Variants in KCNQ1 observed in about 807,000 individuals in gnomAD.
KCNQ1 encodes potassium voltage-gated channel subfamily KQT member 1.
A neutral mutation model predicts 72.4 loss-of-function variants in KCNQ1; 49 were observed. That is an observed-to-expected ratio of 0.68 (90% CI 0.54 to 0.86). KCNQ1 has a LOEUF of 0.86. Among genes scored for constraint, KCNQ1 ranks in the 40% least tolerant of loss-of-function variants. The probability of loss-of-function intolerance (pLI) is 0.00; values close to 1 mark genes in which losing one functional copy is unlikely to be tolerated. For missense variants in KCNQ1, 790 were observed against 945.1 expected, an observed-to-expected ratio of 0.84 and a Z score of 2.15; for synonymous variants, 450 against 412.6, an observed-to-expected ratio of 1.09 and a Z score of -1.10.
Position 2,735,040 on chromosome 11 carries a change from G to A in KCNQ1, c.1515-33804G>A, listed in dbSNP as rs1284716509. 6.6e-6 allele frequency among the ~76,000 whole-genome samples: 1 copy of A among 152,148 alleles called. No homozygotes were observed. Among genetic ancestry groups the A allele is most frequent in the African/African-American group, 2.4e-5 (1 of 41,428 alleles). ...GCCTCGGAGGGCACACTAACAAGAG[G>A]CACATGTGCCAGGGAAGCCCTGCCT... On this transcript the variant is annotated intron_variant, in intron 11 of 15. Coordinates refer to ENST00000155840, the MANE Select transcript of KCNQ1 (RefSeq NM_000218.3). This position sits in a 1 kb window ranked among gnomAD's most constrained non-coding sequence, Gnocchi z 7.7.
intron 11 of KCNQ1, chr11:2,688,996 T>C (rs1850544464): frequency 5.0e-6 from 2 of 398,720 alleles, no homozygotes; most frequent in Non-Finnish European, 8.8e-6. Context: ...CAGGGGAGCC[T>C]GCAGGTCCCT....
Position 2,464,185 on chromosome 11 carries a change from C to T in KCNQ1, c.386+18701C>T, listed in dbSNP as rs900974599. On this transcript the variant is annotated intron_variant, in intron 1 of 15. Transcript: ENST00000155840. The surrounding 1 kb of genome is among the most constrained non-coding windows in gnomAD (Gnocchi z 5.0). ...CAAGCTGTACGCAGTGGGCCGCAGGCGCTCCCTGGGCCGGAACACATGGAC... is the reference window on the plus strand; with the variant it reads ...CAAGCTGTACGCAGTGGGCCGCAGGTGCTCCCTGGGCCGGAACACATGGAC... Among the ~76,000 whole-genome samples the T allele has an allele frequency of 2.6e-5, 4 of 152,114 alleles. No homozygotes were observed. Among genetic ancestry groups the T allele is most frequent in the African/African-American group, 7.2e-5 (3 of 41,414 alleles).
chr11:2,589,772 G>T (rs1443662491), intron 10 of KCNQ1, among the ~76,000 whole-genome samples: 6 of 152,194 alleles, frequency 3.9e-5, no homozygotes, highest in African/African-American at 1.4e-4. Flanking sequence ...TGATGCCAGG[G>T]CATCAGCGCT....
intron 11 of KCNQ1, among the ~76,000 whole-genome samples, chr11:2,743,967 C>T (rs1056252834): frequency 3.9e-5 from 6 of 152,182 alleles, no homozygotes; most frequent in Admixed American, 1.3e-4. Context: ...TGCTCCTGCC[C>T]GTTCTGGCCT....
In KCNQ1 at chr11:2,481,978, T is replaced by C. The variant is rs191392679; in HGVS notation, c.386+36494T>C. The stretch of plus-strand genomic sequence containing the variant: ...TGGTCTGTGGAAAAACTGTTTTCCA[T>C]GAAACCAGTCACTGGTCCCAAAAAG... On this transcript the variant is annotated intron_variant, in intron 1 of 15. Transcript: ENST00000155840. The surrounding 1 kb of genome is among the most constrained non-coding windows in gnomAD (Gnocchi z 4.6). Among the ~76,000 whole-genome samples the C allele has an allele frequency of 6.6e-6, 1 of 152,352 alleles. No homozygotes were observed. Among genetic ancestry groups the C allele is most frequent in the East Asian group, 1.9e-4 (1 of 5,188 alleles).
At position 2,633,201 on chromosome 11, in the gene KCNQ1, T is replaced by C. The variant is rs551812805; in HGVS notation, c.1394-28760T>C. The C allele has an allele frequency of 3.0e-5, 12 of 398,562 alleles. No homozygotes were observed. The South Asian group carries it at 1.5e-3, about 51-fold the overall frequency. 24.7% of individuals were successfully genotyped at this position (398,562 alleles called of 1,614,324 possible). A position where few individuals can be genotyped will look rare whatever the true frequency, so the allele number is the denominator to read the frequency against. On this transcript the variant is annotated intron_variant, in intron 10 of 15. Coordinates refer to ENST00000155840, the MANE Select transcript of KCNQ1 (RefSeq NM_000218.3). ...TTTTTTCACATACCTGTTGGCCAGTTGTTCTATTTTGCACATTTCTAAATC... is the reference window on the plus strand; with the variant it reads ...TTTTTTCACATACCTGTTGGCCAGTCGTTCTATTTTGCACATTTCTAAATC...
chr11:2,787,993 C>T lies in KCNQ1; in HGVS notation c.1794+9956C>T, dbSNP rs539669848. Among the ~76,000 whole-genome samples the T allele has an allele frequency of 3.3e-4, 50 of 152,288 alleles. No homozygotes were observed. The highest frequency in any genetic ancestry group is 1.1e-3 in the African/African-American group (44 of 41,558). The stretch of plus-strand genomic sequence containing the variant: ...TGCTTTGGACGGGCATGGCCGTGCG[C>T]GCGTGTGGGGAGGTGAGTGTGGCTC... On this transcript the variant is annotated intron_variant, in intron 15 of 15. Coordinates refer to ENST00000155840, the MANE Select transcript of KCNQ1 (RefSeq NM_000218.3). The surrounding 1 kb of genome is among the most constrained non-coding windows in gnomAD (Gnocchi z 6.3).
chr11:2,686,662 C>A, intron 11 of KCNQ1: 1 of 398,584 alleles, frequency 2.5e-6, no homozygotes, highest in East Asian at 3.6e-5. Context: ...GCCGCTGGAT[C>A]AAGTGTGGGT....
At chr11:2,810,857 G>A (rs1847470670) in intron 15 of KCNQ1, among the ~76,000 whole-genome samples, 1 of 152,156 alleles carries the variant, frequency 6.6e-6, no homozygotes, top group African/African-American at 2.4e-5. Flanking sequence ...GCTTGGGCTC[G>A]AGGTACAGGG....
At position 2,623,794 on chromosome 11, in the gene KCNQ1, G is replaced by T. The variant is rs1373779451; in HGVS notation, c.1393+34940G>T. ...TCCTTTGAGTAAATACCAAGGATGT[G>T]ATTGCTGAACTGCATGGTAAGAATA... On this transcript the variant is annotated intron_variant, in intron 10 of 15. Coordinates refer to ENST00000155840, the MANE Select transcript of KCNQ1 (RefSeq NM_000218.3). This position sits in a 1 kb window ranked among gnomAD's most constrained non-coding sequence, Gnocchi z 5.2. 9 of 398,412 alleles carry T rather than the reference G, an allele frequency of 2.3e-5. No individual in the cohort carries two copies. The highest frequency in any genetic ancestry group is 4.4e-5 in the Admixed American group (1 of 22,700). 24.7% of individuals were successfully genotyped at this position (398,412 alleles called of 1,614,324 possible).
intron 11 of KCNQ1, among the ~76,000 whole-genome samples, chr11:2,717,835 G>A (rs1190702668): frequency 6.6e-6 from 1 of 152,118 alleles, no homozygotes; most frequent in Non-Finnish European, 1.5e-5. Context: ...CAAGACCTTG[G>A]GCCAGAGGAA....
At chr11:2,793,310 C>T (rs1714055352) in intron 15 of KCNQ1, among the ~76,000 whole-genome samples, 2 of 152,198 alleles carry the variant, frequency 1.3e-5, no homozygotes, top group South Asian at 4.1e-4. Context: ...GAGCTTTCTC[C>T]AGAACCCAGG....
chr11:2,719,577 G>T (rs1590051318), intron 11 of KCNQ1, among the ~76,000 whole-genome samples: 1 of 152,226 alleles, frequency 6.6e-6, no homozygotes, highest in Middle Eastern at 3.4e-3. Flanking sequence ...AGAAGTCAGA[G>T]AATCCTCTCC....
intron 11 of KCNQ1, among the ~76,000 whole-genome samples, chr11:2,760,512 G>T (rs1168210244): frequency 6.6e-6 from 1 of 152,216 alleles, no homozygotes; most frequent in Non-Finnish European, 1.5e-5. Context: ...CCGCTGGGCA[G>T]CACGTCCCTT....
Position 2,652,152 on chromosome 11 carries a change from C to T in KCNQ1, c.1394-9809C>T, listed in dbSNP as rs1432232647. 1.8e-5 allele frequency: 7 copies of T among 398,520 alleles called. No homozygotes were observed. Among genetic ancestry groups the T allele is most frequent in the Non-Finnish European group, 3.1e-5 (7 of 226,112 alleles). The allele number at this position is 398,520 out of a possible 1,614,324, so 24.7% of individuals were successfully genotyped here. ...GGGACCTGTGTTTCTCAAGCCCGCG[C>T]CCTCGGGGCCTGGGGGTGGGGCCCC... On this transcript the variant is annotated intron_variant, in intron 10 of 15. Transcript: ENST00000155840. The surrounding 1 kb of genome is among the most constrained non-coding windows in gnomAD (Gnocchi z 5.9).
rs549206065 is a variant in KCNQ1 at position 2,455,324 on chromosome 11, T to G, written c.386+9840T>G. Among the ~76,000 whole-genome samples, 7 of 152,328 alleles carry G rather than the reference T, an allele frequency of 4.6e-5. No individual in the cohort carries two copies. The East Asian group carries it at 1.4e-3, about 29-fold the overall frequency. ...CGTGTTAGCCAGGATGGTCTTGATC[T>G]CCTGACCTTGTGATCCACCCGCCTT... is the stretch of plus-strand genomic sequence containing the variant. On this transcript the variant is annotated intron_variant, in intron 1 of 15. Transcript: ENST00000155840.
At chr11:2,594,370 G>A (rs2157760) in intron 10 of KCNQ1, among the ~76,000 whole-genome samples, 40,194 of 151,990 alleles carry the variant, frequency 0.26, 8,307 homozygotes, top group African/African-American at 0.56. Flanking sequence ...AGTGTTCAGA[G>A]GTTTCAATGT....
intron 1 of KCNQ1, among the ~76,000 whole-genome samples, chr11:2,456,246 G>A (rs1362872478): frequency 1.3e-5 from 2 of 151,466 alleles, no homozygotes; most frequent in African/African-American, 2.4e-5. Flanking sequence ...GCTGAGGCAG[G>A]AGATTGCACC....
chr11:2,545,134 C>T (rs1304066545), intron 2 of KCNQ1, among the ~76,000 whole-genome samples: 1 of 152,230 alleles, frequency 6.6e-6, no homozygotes, highest in Non-Finnish European at 1.5e-5. Context: ...GGATAAACCA[C>T]ACTTGGTCAT....
Sources: allele counts gnomAD v4.1 joint callset (sites outside exome capture counted in the v4.1 genomes callset), GRCh38; gene constraint gnomAD v4.1.1; non-coding constraint Gnocchi (gnomAD v3.1); transcripts MANE v1.5; gene names NCBI Gene and HGNC (gene_info 2026-07-23, HGNC 2026-07-21).